The following STK10 variants were observed in gnomAD, a reference collection of about 807,000 sequenced individuals.
The protein encoded by STK10 is serine/threonine kinase 10.
A neutral mutation model predicts 113.8 loss-of-function variants in STK10; 78 were observed. The ratio of observed to expected loss-of-function variants is 0.69; its 90% confidence interval spans 0.57 to 0.83. The LOEUF (loss-of-function observed/expected upper bound fraction) is 0.83. Ranked by LOEUF, STK10 falls within the 40% of genes least tolerant of loss-of-function variation. STK10 has a pLI of 0.00. For missense variants in STK10, 1,109 were observed against 1,280.1 expected (o/e 0.87, Z 2.04); for synonymous variants, 465 against 494.7 (o/e 0.94, Z 0.80).
At chr5:172,104,830 C>G (rs114305198) in intron 7 of STK10, among the ~76,000 whole-genome samples, 2,704 of 152,274 alleles carry the variant, frequency 0.018, 40 homozygotes, top group Middle Eastern at 0.037. Context: ...GTCTGGAACT[C>G]TGGTCTGTGC....
chr5:172,109,429 C>A (rs1309224222), intron 4 of STK10, among the ~76,000 whole-genome samples: 1 of 151,756 alleles, frequency 6.6e-6, no homozygotes, highest in African/African-American at 2.4e-5. Flanking sequence ...CTCAAGCAAT[C>A]CTCCCGAGTA....
intron 1 of STK10, among the ~76,000 whole-genome samples, chr5:172,175,553 G>A (rs1028201096): frequency 1.4e-5 from 2 of 142,724 alleles, no homozygotes; most frequent in African/African-American, 2.5e-5. Flanking sequence ...CCTGACACCC[G>A]CCCTTTTCCC....
intron 4 of STK10, among the ~76,000 whole-genome samples, chr5:172,111,695 C>G (rs78325202): frequency 6.6e-6 from 1 of 152,202 alleles, no homozygotes; most frequent in East Asian, 1.9e-4. Context: ...ACAAGGGCGG[C>G]GGAGATAAGG....
At chr5:172,066,563 G>A (rs950797148) in intron 12 of STK10, among the ~76,000 whole-genome samples, 2 of 152,108 alleles carry the variant, frequency 1.3e-5, no homozygotes, top group African/African-American at 4.8e-5. Flanking sequence ...GAGAAAGGTG[G>A]ATCACTTGAG....
intron 4 of STK10, among the ~76,000 whole-genome samples, chr5:172,112,416 C>CTTTTTTTTT (rs1159424183): frequency 9.7e-6 from 1 of 103,074 alleles, no homozygotes; most frequent in Non-Finnish European, 1.9e-5. Flanking sequence ...AGGGACCTTA[C>CTTTTTTTTT]TTTTTTTTTT....
intron 4 of STK10, chr5:172,114,473 A>ATATATATATATATATATATATTTTT (rs1226289994): frequency 2.1e-5 from 1 of 47,540 alleles, no homozygotes; most frequent in Non-Finnish European, 3.2e-5. Context: ...ATATATATAT[A>ATATATATATATATATATATATTTTT]TTTTTTTTTT....
chr5:172,089,521 G>T lies in STK10; in HGVS notation c.1685+711C>A, dbSNP rs942462220. On this transcript the variant is annotated intron_variant, in intron 10 of 18. Coordinates refer to ENST00000176763, the MANE Select transcript of STK10 (RefSeq NM_005990.4). ...GGATGGATGACTGGATGGATGATTG[G>T]GTGGACAGACGGAAAGGTAGATAGG... Among the ~76,000 whole-genome samples, 9 of 152,028 alleles carry T rather than the reference G, an allele frequency of 5.9e-5. No individual in the cohort carries two copies. The South Asian group carries it at 6.2e-4, about 11-fold the overall frequency.
intron 2 of STK10, among the ~76,000 whole-genome samples, chr5:172,145,040 T>C (rs1770057259): frequency 6.6e-6 from 1 of 152,116 alleles, no homozygotes; most frequent in Non-Finnish European, 1.5e-5. Context: ...CTTGAGTCCA[T>C]CCCATCTTCC....
intron 10 of STK10, among the ~76,000 whole-genome samples, chr5:172,086,271 C>A (rs907820702): frequency 6.6e-6 from 1 of 152,116 alleles, no homozygotes; most frequent in Admixed American, 6.5e-5. Flanking sequence ...AAGCCAGAGG[C>A]GCTTTCTACA....
At chr5:172,186,460 CA>C (rs200739420) in intron 1 of STK10, among the ~76,000 whole-genome samples, 1 of 151,630 alleles carries the variant, frequency 6.6e-6, no homozygotes, top group East Asian at 1.9e-4. Context: ...CCCAAGTCTA[CA>C]AAAAATACAA....
At chr5:172,186,384 G>A (rs1303241681) in intron 1 of STK10, among the ~76,000 whole-genome samples, 17 of 152,172 alleles carry the variant, frequency 1.1e-4, no homozygotes, top group Non-Finnish European at 4.4e-5. Context: ...AACACTTTGG[G>A]AGGCTGAAAC....
At chr5:172,128,680 T>C (rs760680072) in intron 2 of STK10, among the ~76,000 whole-genome samples, 8 of 152,232 alleles carry the variant, frequency 5.3e-5, no homozygotes, top group Non-Finnish European at 1.2e-4. Flanking sequence ...AGGGATGGCG[T>C]CACAAACTTC....
chr5:172,167,047 C>T (rs1055198988), intron 1 of STK10, among the ~76,000 whole-genome samples: 2 of 151,860 alleles, frequency 1.3e-5, no homozygotes, highest in African/African-American at 4.8e-5. Flanking sequence ...GTAGTCCCAG[C>T]TACTCGGGAG....
chr5:172,162,741 C>T (rs899215722), intron 1 of STK10, among the ~76,000 whole-genome samples: 9 of 152,174 alleles, frequency 5.9e-5, no homozygotes, highest in African/African-American at 2.2e-4. Flanking sequence ...GGCCCCCCTT[C>T]AATCACTCAT....
intron 2 of STK10, among the ~76,000 whole-genome samples, chr5:172,137,955 C>T (rs1769901405): frequency 6.6e-6 from 1 of 151,374 alleles, no homozygotes; most frequent in African/African-American, 2.4e-5. Flanking sequence ...ATTAACATCG[C>T]ACTTAATGGT....
intron 12 of STK10, among the ~76,000 whole-genome samples, chr5:172,081,846 G>A (rs933577058): frequency 2.0e-5 from 3 of 152,296 alleles, no homozygotes; most frequent in East Asian, 1.9e-4. Context: ...AGAGCAGCTC[G>A]AGAGATGTGC....
In STK10 at chr5:172,120,122, T is replaced by C. The variant is rs1238256872; in HGVS notation, c.371-2492A>G. On this transcript the variant is annotated intron_variant, in intron 3 of 18. Transcript: ENST00000176763. The surrounding 1 kb of genome is among the most constrained non-coding windows in gnomAD (Gnocchi z 4.0). The stretch of plus-strand genomic sequence containing the variant: ...TCTGCGTCCCACAGGACTGTCCTGA[T>C]TGAGTCAACGTAGCTACCCAAGACC... 6.6e-6 allele frequency among the ~76,000 whole-genome samples: 1 copy of C among 152,038 alleles called. No individual in the cohort carries two copies. The highest frequency in any genetic ancestry group is 1.5e-5 in the Non-Finnish European group (1 of 67,992).
At chr5:172,180,173 T>C (rs1319182392) in intron 1 of STK10, among the ~76,000 whole-genome samples, 1 of 152,248 alleles carries the variant, frequency 6.6e-6, no homozygotes, top group Non-Finnish European at 1.5e-5. Flanking sequence ...CCTTTGAAAG[T>C]CCGGCCTAGG....
At chr5:172,065,596 G>A (rs1768050407) in intron 12 of STK10, among the ~76,000 whole-genome samples, 1 of 152,120 alleles carries the variant, frequency 6.6e-6, no homozygotes, top group Admixed American at 6.6e-5. Context: ...TACCCCCGCT[G>A]GCCCTGGGCT....
Sources: allele counts gnomAD v4.1 joint callset (sites outside exome capture counted in the v4.1 genomes callset), GRCh38; gene constraint gnomAD v4.1.1; non-coding constraint Gnocchi (gnomAD v3.1); transcripts MANE v1.5; gene names NCBI Gene and HGNC (gene_info 2026-07-23, HGNC 2026-07-21).